Variants in LAPTM5 observed in about 807,000 individuals in gnomAD.
LAPTM5 encodes lysosomal protein transmembrane 5.
Under a neutral mutation model 30.1 loss-of-function variants are expected in LAPTM5, and 11 were observed. The ratio of observed to expected loss-of-function variants is 0.37; its 90% CI spans 0.23 to 0.60. The LOEUF (loss-of-function observed/expected upper bound fraction) is 0.60. LAPTM5 is among the 20% of genes least tolerant of loss of function. The pLI is 0.71. For missense variants in LAPTM5, 324 were observed against 332.5 expected (o/e 0.97, Z 0.20); for synonymous variants, 151 against 137.9 (o/e 1.10, Z -0.67).
chr1:30,741,807 G>T (rs1639974969), intron 2 of LAPTM5, 91 bp from the exon 3 acceptor site: 1 of 881,640 alleles, frequency 1.1e-6, no homozygotes, highest in Non-Finnish European at 1.7e-6. Context: ...CCACTGGTTT[G>T]GGGACATGAG....
At chr1:30,749,116 A>G (rs1275023723) in intron 1 of LAPTM5, among the ~76,000 whole-genome samples, 4 of 152,220 alleles carry the variant, frequency 2.6e-5, no homozygotes, top group Non-Finnish European at 5.9e-5. Flanking sequence ...TTGCAGGAAA[A>G]CAGGCAAATG....
At chr1:30,745,151 C>T (rs1640023983) in intron 1 of LAPTM5, among the ~76,000 whole-genome samples, 1 of 152,156 alleles carries the variant, frequency 6.6e-6, no homozygotes, top group Non-Finnish European at 1.5e-5. Context: ...TTTGTACAGC[C>T]TAACTCCATG....
intron 1 of LAPTM5, among the ~76,000 whole-genome samples, chr1:30,753,062 AT>A (rs1557469014): frequency 6.7e-6 from 1 of 149,610 alleles, no homozygotes; most frequent in East Asian, 2.0e-4. Context: ...GATTACAGGC[AT>A]GAGCCACCGC....
intron 1 of LAPTM5, among the ~76,000 whole-genome samples, chr1:30,745,417 C>G (rs1640028201): frequency 6.6e-6 from 1 of 152,178 alleles, no homozygotes; most frequent in Non-Finnish European, 1.5e-5. Context: ...CCCCCATCCC[C>G]TCTCCCTCTG....
At chr1:30,738,008 C>G (rs1590340) in intron 5 of LAPTM5, among the ~76,000 whole-genome samples, 102,970 of 151,986 alleles carry the variant, frequency 0.68, 34,994 homozygotes, top group Admixed American at 0.73. Context: ...CTCTTCTCTA[C>G]AAGATCATTT....
At position 30,733,466 on chromosome 1, in the gene LAPTM5, G is replaced by A; in HGVS notation, c.*362C>T. 3 of 1,288,488 alleles carry A rather than the reference G, an allele frequency of 2.3e-6. No homozygotes were observed. The highest frequency in any genetic ancestry group is 3.0e-6 in the Non-Finnish European group (3 of 983,724). 79.8% of individuals were successfully genotyped at this position (1,288,488 alleles called of 1,614,324 possible). ...CCAAATTATTTTACTGAACTGACAA[G>A]TGGGTTTTTGATTTGTCAGTTGCTT... On this transcript the variant is annotated 3_prime_UTR_variant, in exon 8 of 8. Transcript: ENST00000294507.
At chr1:30,757,026 C>G (rs1640220789) in intron 1 of LAPTM5, among the ~76,000 whole-genome samples, 1 of 152,220 alleles carries the variant, frequency 6.6e-6, no homozygotes, top group Admixed American at 6.5e-5. Flanking sequence ...CCAACAAGAG[C>G]TTGGGCCGGA....
chr1:30,757,345 G>A (rs897099504), intron 1 of LAPTM5, among the ~76,000 whole-genome samples: 2 of 152,146 alleles, frequency 1.3e-5, no homozygotes, highest in Non-Finnish European at 2.9e-5. Context: ...ATAACCTTCC[G>A]GCTGCTGCTG....
At position 30,741,960 on chromosome 1, in the gene LAPTM5, G is replaced by A. The variant is rs546689617; in HGVS notation, c.182-244C>T. 31 of 407,896 alleles carry A rather than the reference G, an allele frequency of 7.6e-5. No individual in the cohort carries two copies. The East Asian group carries it at 1.4e-3, about 19-fold the overall frequency. 25.3% of individuals were successfully genotyped at this position (407,896 alleles called of 1,614,324 possible). A position where few individuals can be genotyped will look rare whatever the true frequency, so the allele number is the denominator to read the frequency against. On this transcript the variant is annotated intron_variant, in intron 2 of 7. Coordinates refer to ENST00000294507, the MANE Select transcript of LAPTM5 (RefSeq NM_006762.3). ...GAGGTGCAGGCTGGGGTCCACTTCAGCCAGGGTGAGGCTGAGGAAGGCATC... is the reference window on the plus strand; with the variant it reads ...GAGGTGCAGGCTGGGGTCCACTTCAACCAGGGTGAGGCTGAGGAAGGCATC...
chr1:30,747,213 T>C (rs1640061209), intron 1 of LAPTM5, among the ~76,000 whole-genome samples: 1 of 152,098 alleles, frequency 6.6e-6, no homozygotes, highest in South Asian at 2.1e-4. Flanking sequence ...GAAGAAAGCA[T>C]TCCAAAAGAG....
At chr1:30,755,057 C>A (rs981846944) in intron 1 of LAPTM5, among the ~76,000 whole-genome samples, 3 of 152,170 alleles carry the variant, frequency 2.0e-5, no homozygotes, top group African/African-American at 7.2e-5. Context: ...GAAGATAACC[C>A]CCCACTGGAG....
chr1:30,737,976 C>A (rs1279554538), intron 5 of LAPTM5, among the ~76,000 whole-genome samples: 1 of 152,202 alleles, frequency 6.6e-6, no homozygotes, highest in Non-Finnish European at 1.5e-5. Context: ...CAGGTGTCAG[C>A]TGCCCATGGG....
At chr1:30,749,845 A>G (rs902493615) in intron 1 of LAPTM5, among the ~76,000 whole-genome samples, 2 of 152,236 alleles carry the variant, frequency 1.3e-5, no homozygotes, top group Admixed American at 6.5e-5. Flanking sequence ...GGCGTCATCC[A>G]TGTGCTGAAT....
chr1:30,742,388 G>A, intron 2 of LAPTM5, 68 bp downstream of exon 2: 1 of 1,118,110 alleles, frequency 8.9e-7, no homozygotes, highest in Non-Finnish European at 1.3e-6. Context: ...CACTAGCCTG[G>A]CTATCCCTGG....
intron 1 of LAPTM5, among the ~76,000 whole-genome samples, chr1:30,750,864 T>C (rs928639602): frequency 6.6e-6 from 1 of 152,258 alleles, no homozygotes; most frequent in Non-Finnish European, 1.5e-5. Flanking sequence ...AAATTGAGGC[T>C]GGGGGACGGG....
At chr1:30,740,399 T>TCCCCCCC (rs148522746) in intron 3 of LAPTM5, among the ~76,000 whole-genome samples, 2 of 103,178 alleles carry the variant, frequency 1.9e-5, no homozygotes, top group Non-Finnish European at 4.0e-5. Context: ...AGAGAGCCCC[T>TCCCCCCC]CCCCCCCACC....
rs1283768954 is a variant in LAPTM5 at position 30,733,840 on chromosome 1, G to A, written c.777C>T (p.Tyr259=). ...GGCCTGGCGAGGGTCACACCTCTGA[G>A]TATGGGGGTGGTGCTGGGCCCCCCT... ...TPEGGPAPPP[Y]SEV The change falls in exon 8 of 8, where the codon TAC becomes TAT. Residue 259 remains tyrosine, a synonymous_variant. Transcript: ENST00000294507. 1 of 1,608,204 alleles carries A rather than the reference G, an allele frequency of 6.2e-7. No homozygotes were observed. Among genetic ancestry groups the A allele is most frequent in the Non-Finnish European group, 8.5e-7 (1 of 1,178,658 alleles).
chr1:30,733,878 A>T lies in LAPTM5; in HGVS notation c.739T>A (p.Ser247Thr), dbSNP rs781309185. The change falls in exon 8 of 8, where the codon TCG becomes ACG. Residue 247 changes from serine to threonine, a missense_variant. Physicochemically the swap from Ser to Thr is moderately conservative, Grantham distance 58. Transcript: ENST00000294507. ...PSYEEALSLP[S>T]KTPEGGPAPP... ...GCTGGGCCCCCCTCTGGGGTCTTCG[A>T]TGGCAAAGACAGGGCTTCCTCGTAG... 6.8e-6 allele frequency: 11 copies of T among 1,611,196 alleles called. No homozygotes were observed. Among genetic ancestry groups the T allele is most frequent in the Non-Finnish European group, 9.3e-6 (11 of 1,179,362 alleles).
chr1:30,757,013 T>G (rs1161540593), intron 1 of LAPTM5, among the ~76,000 whole-genome samples: 1 of 152,244 alleles, frequency 6.6e-6, no homozygotes, highest in African/African-American at 2.4e-5. Context: ...CTTCACAAGT[T>G]GCCCAACAAG....
Sources: gnomAD v4.1 joint callset for allele counts (sites outside exome capture counted in the v4.1 genomes callset) on GRCh38, gnomAD v4.1.1 for gene constraint, MANE v1.5 for transcripts, NCBI Gene and HGNC (gene_info 2026-07-23, HGNC 2026-07-21) for gene names.